The following MEI1 variants were observed in gnomAD, a reference collection of about 807,000 sequenced individuals.
The protein encoded by MEI1 is meiosis inhibitor protein 1.
In MEI1, 103 loss-of-function variants were observed where a neutral mutation model predicts 146.2. That is an observed-to-expected ratio of 0.70 (90% CI 0.60 to 0.83). The LOEUF is 0.83. Among genes scored for constraint, MEI1 ranks in the 40% least tolerant of loss-of-function variants. The pLI is 0.00. For synonymous variants in MEI1, 652 were observed against 628.2 expected (o/e 1.04, Z -0.57); for missense variants, 1,529 against 1,533.0 (o/e 1.00, Z 0.04).
intron 17 of MEI1, among the ~76,000 whole-genome samples, chr22:41,757,721 C>T (rs2074189535): frequency 6.6e-6 from 1 of 152,158 alleles, no homozygotes; most frequent in Admixed American, 6.6e-5. Context: ...GCGCTGATCA[C>T]ATGTCCTGCA....
At chr22:41,744,027 C>T (rs1005751036) in intron 12 of MEI1, among the ~76,000 whole-genome samples, 2 of 151,918 alleles carry the variant, frequency 1.3e-5, no homozygotes, top group African/African-American at 4.8e-5. Context: ...CAGGCATGCA[C>T]CACCACACCT....
chr22:41,785,956 G>A (rs1195944217), intron 26 of MEI1, among the ~76,000 whole-genome samples: 4 of 136,790 alleles, frequency 2.9e-5, no homozygotes, highest in African/African-American at 1.1e-4. Flanking sequence ...TGTCGCCCAG[G>A]CTGGAGTGCA....
chr22:41,761,416 G>A (rs986992627), intron 18 of MEI1, among the ~76,000 whole-genome samples: 1 of 149,800 alleles, frequency 6.7e-6, no homozygotes, highest in Non-Finnish European at 1.5e-5. Flanking sequence ...CCGGGTTCAC[G>A]CCATTCTCCT....
intron 15 of MEI1, among the ~76,000 whole-genome samples, chr22:41,750,468 A>G (rs2073674436): frequency 2.0e-5 from 3 of 152,206 alleles, no homozygotes; most frequent in Admixed American, 2.0e-4. Context: ...AGTGGTTGGA[A>G]TGGAAGCCAG....
chr22:41,745,100 G>C (rs1174424111), intron 13 of MEI1, 36 bp downstream of exon 13: 2 of 1,402,976 alleles, frequency 1.4e-6, no homozygotes, highest in Non-Finnish European at 1.9e-6. Context: ...TAATAGCATG[G>C]AAGGTAGGGG....
chr22:41,776,053 C>T, intron 20 of MEI1, 49 bp from the exon 21 acceptor site: 1 of 1,582,044 alleles, frequency 6.3e-7, no homozygotes, highest in South Asian at 1.1e-5. Context: ...TGTCACTTTT[C>T]CCCAACTGCA....
intron 23 of MEI1, 59 bp from the exon 24 acceptor site, chr22:41,781,626 G>A (rs2075760213): frequency 6.3e-7 from 1 of 1,578,054 alleles, no homozygotes; most frequent in Non-Finnish European, 8.6e-7. Flanking sequence ...CACCATAGTG[G>A]CACTTAGCTG....
intron 3 of MEI1, chr22:41,709,422 C>G (rs965976903): frequency 4.6e-5 from 32 of 696,270 alleles, no homozygotes; most frequent in Middle Eastern, 5.1e-4. Context: ...TGGATCTTCT[C>G]TGTGGTTCGT....
At position 41,724,006 on chromosome 22, in the gene MEI1, T is replaced by G; in HGVS notation, c.797T>G (p.Leu266Arg). The change falls in exon 7 of 31, where the codon CTG (leucine) becomes CGG (arginine). Residue 266 changes from leucine (L) to arginine (R), a missense_variant. By Grantham distance (102) the Leu-to-Arg change is moderately radical. Around this residue, in one of 3 missense-constraint regions of MEI1, gnomAD observed 1,212 missense variants for 1,178.9 expected, o/e 1.03. Coordinates refer to ENST00000401548, the MANE Select transcript of MEI1 (RefSeq NM_152513.4). Reference protein sequence around the residue: ...FVSMIMNQDGLGESAKNIEGS... With the variant: ...FVSMIMNQDGRGESAKNIEGS... ...TCCATGATCATGAACCAGGATGGACTGGGAGAAAGTGCTAAGAATATCGAA... is the reference window on the plus strand; with the variant it reads ...TCCATGATCATGAACCAGGATGGACGGGGAGAAAGTGCTAAGAATATCGAA... 1 of 1,613,516 alleles carries G rather than the reference T, an allele frequency of 6.2e-7. No individual in the cohort carries two copies. Among genetic ancestry groups the G allele is most frequent in the African/African-American group, 1.3e-5 (1 of 75,026 alleles).
At chr22:41,728,443 G>A (rs2071557909) in intron 7 of MEI1, among the ~76,000 whole-genome samples, 2 of 152,208 alleles carry the variant, frequency 1.3e-5, no homozygotes, top group African/African-American at 4.8e-5. Context: ...AAACATCAAA[G>A]CCAGATGAGG....
Position 41,758,530 on chromosome 22 carries a change from A to G in MEI1, c.2117A>G (p.Asp706Gly). The G allele has an allele frequency of 6.2e-7, 1 of 1,612,166 alleles. No homozygotes were observed. The highest frequency in any genetic ancestry group is 8.5e-7 in the Non-Finnish European group (1 of 1,178,848). Residue 706 changes from aspartate to glycine, a missense_variant, in exon 18 of 31, where the codon GAC (aspartate) becomes GGC (glycine). Asp to Gly is a moderately conservative substitution (Grantham distance 94). Transcript: ENST00000401548. ...TTCTACTTGGCCTACATCCATGAAG[A>G]CAGGTCAGTGCACAGAGGTGGGTGG... Reference protein sequence around the residue: ...LLFYLAYIHEDRFVSEAELFE... With the variant: ...LLFYLAYIHEGRFVSEAELFE...
At chr22:41,787,193 T>G (rs2148203753) in intron 26 of MEI1, among the ~76,000 whole-genome samples, 1 of 152,326 alleles carries the variant, frequency 6.6e-6, no homozygotes, top group Admixed American at 6.5e-5. Context: ...TAAAGCTAAT[T>G]TAGAATGCAG....
chr22:41,729,821 G>T (rs1326648999), intron 8 of MEI1, 42 bp downstream of exon 8: 16 of 1,331,500 alleles, frequency 1.2e-5, no homozygotes, highest in Non-Finnish European at 1.7e-5. Flanking sequence ...ATACTAGAAG[G>T]ATGGGGTGGT....
At chr22:41,785,950 G>A (rs371671448) in intron 26 of MEI1, among the ~76,000 whole-genome samples, 83 of 126,314 alleles carry the variant, frequency 6.6e-4, no homozygotes, top group Middle Eastern at 0.011. Context: ...TCGCTCTGTC[G>A]CCCAGGCTGG....
chr22:41,764,935 C>G (rs917150814), intron 19 of MEI1, among the ~76,000 whole-genome samples: 1 of 152,170 alleles, frequency 6.6e-6, no homozygotes, highest in Non-Finnish European at 1.5e-5. Context: ...ACTTGAACTT[C>G]AGTCTTGATT....
intron 21 of MEI1, among the ~76,000 whole-genome samples, chr22:41,777,737 GA>G (rs1187090263): frequency 6.6e-6 from 1 of 152,120 alleles, no homozygotes; most frequent in Non-Finnish European, 1.5e-5. Context: ...TGGGGGCTGG[GA>G]AATCCAAAAT....
At position 41,707,235 on chromosome 22, in the gene MEI1, C is replaced by T. The variant is rs530441358; in HGVS notation, c.349+1681C>T. Among the ~76,000 whole-genome samples, 6 of 151,914 alleles carry T rather than the reference C, an allele frequency of 3.9e-5. No homozygotes were observed. The East Asian group carries it at 1.2e-3, about 29-fold the overall frequency. On this transcript the variant is annotated intron_variant, in intron 3 of 30. Transcript: ENST00000401548. ...AAAATAATGTTGGTTAAGTAGGTAA[C>T]TGAAGAAAAAGAGAACAACCAAATT...
At chr22:41,700,203 G>A (rs1216486307) in intron 1 of MEI1, among the ~76,000 whole-genome samples, 2 of 152,212 alleles carry the variant, frequency 1.3e-5, no homozygotes, top group Non-Finnish European at 2.9e-5. Context: ...GGCAGTCTGG[G>A]CTCCGAGGGG....
chr22:41,704,647 C>T (rs2068949016), intron 2 of MEI1, among the ~76,000 whole-genome samples: 1 of 152,016 alleles, frequency 6.6e-6, no homozygotes, highest in South Asian at 2.1e-4. Flanking sequence ...CTCCCAACCT[C>T]AGGTGATCTG....
Sources: allele counts gnomAD v4.1 joint callset (sites outside exome capture counted in the v4.1 genomes callset), GRCh38; gene constraint gnomAD v4.1.1; regional missense constraint gnomAD v4.1.1; transcripts MANE v1.5; gene names NCBI Gene and HGNC (gene_info 2026-07-23, HGNC 2026-07-21).